The following ABTB3 variants were observed in gnomAD, a reference collection of about 807,000 sequenced individuals.
ABTB3 encodes ankyrin repeat- and BTB/POZ domain-containing protein 3.
chr12:107,512,816 A>G, the ABTB3 span, among the ~76,000 whole-genome samples: 1 of 152,236 alleles, frequency 6.6e-6, no homozygotes, highest in African/African-American at 2.4e-5. Flanking sequence ...CACTTCCTCT[A>G]TGCCAGGTAT....
the ABTB3 span, among the ~76,000 whole-genome samples, chr12:107,365,685 A>G: frequency 6.6e-6 from 1 of 152,042 alleles, no homozygotes; most frequent in East Asian, 1.9e-4. Flanking sequence ...GATGGGATGG[A>G]ATTTTAGGGG....
chr12:107,352,121 C>T, the ABTB3 span, among the ~76,000 whole-genome samples: 2 of 152,042 alleles, frequency 1.3e-5, no homozygotes, highest in African/African-American at 4.8e-5. Context: ...GGAGAGATAC[C>T]CCAGTCAACA....
At chr12:107,544,274 C>G in the ABTB3 span, 18 of 914,222 alleles carry the variant, frequency 2.0e-5, no homozygotes, top group African/African-American at 1.3e-4. Flanking sequence ...CCGGTGGGAA[C>G]CTTGCACCCT....
chr12:107,421,839 C>T, the ABTB3 span, among the ~76,000 whole-genome samples: 2 of 152,062 alleles, frequency 1.3e-5, no homozygotes, highest in African/African-American at 2.4e-5. Flanking sequence ...CCTCCATTTG[C>T]CCAAGGCCGG....
chr12:107,404,309 T>C, the ABTB3 span, among the ~76,000 whole-genome samples: 1 of 152,096 alleles, frequency 6.6e-6, no homozygotes, highest in Non-Finnish European at 1.5e-5. Context: ...TAATGATCCA[T>C]GTCCCATCTG....
chr12:107,626,343 C>T, the ABTB3 span, among the ~76,000 whole-genome samples: 12 of 112,500 alleles, frequency 1.1e-4, no homozygotes, highest in Admixed American at 3.1e-4. Flanking sequence ...CTATCGTCAT[C>T]TTTTTTTTTT....
the ABTB3 span, among the ~76,000 whole-genome samples, chr12:107,608,942 T>TAAAATA: frequency 2.5e-4 from 15 of 60,248 alleles, no homozygotes; most frequent in South Asian, 2.4e-3. Flanking sequence ...TAAAATAAAA[T>TAAAATA]AAATAAAATA....
At chr12:107,369,154 A>G in the ABTB3 span, among the ~76,000 whole-genome samples, 1 of 151,854 alleles carries the variant, frequency 6.6e-6, no homozygotes, top group Non-Finnish European at 1.5e-5. Flanking sequence ...TGGGGATTTT[A>G]TTTAAGAGGA....
chr12:107,487,445 A>T, the ABTB3 span, among the ~76,000 whole-genome samples: 2 of 152,140 alleles, frequency 1.3e-5, no homozygotes, highest in Non-Finnish European at 2.9e-5. Flanking sequence ...TCTCACTAGG[A>T]AAAGGTCAGC....
the ABTB3 span, among the ~76,000 whole-genome samples, chr12:107,469,464 A>G: frequency 6.6e-6 from 1 of 152,226 alleles, no homozygotes; most frequent in Admixed American, 6.5e-5. Context: ...AAATGGGAAC[A>G]GCACTGGCAC....
At chr12:107,569,461 AC>A in the ABTB3 span, among the ~76,000 whole-genome samples, 2 of 152,190 alleles carry the variant, frequency 1.3e-5, no homozygotes, top group Admixed American at 1.3e-4. Context: ...AACAAATTCA[AC>A]CTCCTGTGGC....
the ABTB3 span, among the ~76,000 whole-genome samples, chr12:107,386,978 CTT>C: frequency 2.5e-4 from 34 of 133,934 alleles, no homozygotes; most frequent in Non-Finnish European, 2.4e-4. Flanking sequence ...CAGCTACATT[CTT>C]TTTTTTTTTT....
At chr12:107,627,458 C>G in the ABTB3 span, among the ~76,000 whole-genome samples, 1 of 152,160 alleles carries the variant, frequency 6.6e-6, no homozygotes, top group African/African-American at 2.4e-5. Flanking sequence ...CGATGATAGC[C>G]CTGAGGCCCA....
the ABTB3 span, among the ~76,000 whole-genome samples, chr12:107,322,759 A>T: frequency 6.6e-6 from 1 of 152,358 alleles, no homozygotes; most frequent in South Asian, 2.1e-4. Flanking sequence ...GAACTTAAGT[A>T]TCTTGCTTAT....
At chr12:107,648,449 C>T in the ABTB3 span, among the ~76,000 whole-genome samples, 68 of 149,100 alleles carry the variant, frequency 4.6e-4, no homozygotes, top group Non-Finnish European at 8.2e-4. Context: ...TGGGACAAAC[C>T]ACCTAAAAAA....
the ABTB3 span, among the ~76,000 whole-genome samples, chr12:107,351,153 A>G: frequency 1.3e-5 from 2 of 152,256 alleles, no homozygotes; most frequent in African/African-American, 2.4e-5. Flanking sequence ...AGTTAGTGCC[A>G]GGCACTCTGC....
At chr12:107,502,217 G>A in the ABTB3 span, among the ~76,000 whole-genome samples, 3 of 151,866 alleles carry the variant, frequency 2.0e-5, no homozygotes, top group Admixed American at 1.3e-4. Flanking sequence ...GGTGCATGCC[G>A]CCTTGCCTGG....
At chr12:107,395,610 G>A in the ABTB3 span, among the ~76,000 whole-genome samples, 4 of 152,222 alleles carry the variant, frequency 2.6e-5, no homozygotes, top group Admixed American at 2.6e-4. Flanking sequence ...CCCTGCTCAG[G>A]TGAGTGCTCC....
the ABTB3 span, among the ~76,000 whole-genome samples, chr12:107,571,325 C>T: frequency 6.6e-6 from 1 of 152,238 alleles, no homozygotes; most frequent in African/African-American, 2.4e-5. Context: ...AATGATGAAG[C>T]CTGGGCACAA....
Sources: allele counts gnomAD v4.1 joint callset (sites outside exome capture counted in the v4.1 genomes callset), GRCh38; gene constraint gnomAD v4.1.1; transcripts MANE v1.5; gene names NCBI Gene and HGNC (gene_info 2026-07-23, HGNC 2026-07-21).